The following XRRA1 variants were observed in gnomAD, a reference collection of about 807,000 sequenced individuals.
XRRA1 encodes X-ray radiation resistance-associated protein 1.
A neutral mutation model predicts 80.2 loss-of-function variants in XRRA1; 69 were observed. That is an observed-to-expected ratio of 0.86 (90% CI 0.71 to 1.05). The LOEUF (loss-of-function observed/expected upper bound fraction) is 1.05, where lower values mean the gene tolerates loss of function less well. Among genes scored for constraint, XRRA1 ranks in the 50% least tolerant of loss-of-function variants. The pLI is 0.00. For synonymous variants in XRRA1, 348 were observed against 389.9 expected (o/e 0.89, Z 1.27); for missense variants, 967 against 976.4 (o/e 0.99, Z 0.13).
rs191810888 is a variant in XRRA1 at position 74,900,001 on chromosome 11, T to C, written c.1003+6238A>G. Among the ~76,000 whole-genome samples, 419 of 151,892 alleles carry C rather than the reference T, an allele frequency of 2.8e-3. 2 individuals are homozygous for C. Among genetic ancestry groups the C allele is most frequent in the African/African-American group, 9.7e-3 (401 of 41,412 alleles). On this transcript the variant is annotated intron_variant, in intron 10 of 18. Transcript: ENST00000684022. ...CATCATGGTGAAACCCTGTCTCTACTAAAAATACAAAAAATTAGCCAGGCG... is the reference window on the plus strand; with the variant it reads ...CATCATGGTGAAACCCTGTCTCTACCAAAAATACAAAAAATTAGCCAGGCG...
At chr11:74,880,221 C>A (rs1013041684) in intron 10 of XRRA1, among the ~76,000 whole-genome samples, 5 of 152,200 alleles carry the variant, frequency 3.3e-5, no homozygotes, top group Admixed American at 6.5e-5. Context: ...GGAATTTATC[C>A]ATTTCTTCTA....
intron 10 of XRRA1, among the ~76,000 whole-genome samples, chr11:74,898,425 T>C (rs2052868867): frequency 6.6e-6 from 1 of 151,970 alleles, no homozygotes; most frequent in Admixed American, 6.6e-5. Context: ...ATAGTAACAT[T>C]AAATGTAAAT....
chr11:74,900,605 T>C (rs1264309313), intron 10 of XRRA1, among the ~76,000 whole-genome samples: 1 of 152,046 alleles, frequency 6.6e-6, no homozygotes, highest in Non-Finnish European at 1.5e-5. Context: ...AAATCATTAA[T>C]TATGGCCAAG....
chr11:74,844,431 T>C, intron 16 of XRRA1, 148 bp from the exon 17 acceptor site: 1 of 633,166 alleles, frequency 1.6e-6, no homozygotes, highest in Non-Finnish European at 2.8e-6. Context: ...CCAGGTTTCT[T>C]CCGGATCTGT....
chr11:74,843,469 C>T lies in XRRA1; in HGVS notation c.2150-16G>A. The T allele has an allele frequency of 6.2e-7, 1 of 1,606,448 alleles. No homozygotes were observed. The highest frequency in any genetic ancestry group is 1.1e-5 in the South Asian group (1 of 89,438). The stretch of plus-strand genomic sequence containing the variant: ...AGGACAGCACCTGCAGGAAAAGAAG[C>T]CAGGAGAGGCACCAAGCTCATCCTG... On this transcript the variant is annotated splice_polypyrimidine_tract_variant and intron_variant, in intron 18 of 18. Coordinates refer to ENST00000684022, the MANE Select transcript of XRRA1 (RefSeq NM_001378157.1).
At chr11:74,936,736 A>G in intron 4 of XRRA1, 148 bp downstream of exon 4, 2 of 1,044,072 alleles carry the variant, frequency 1.9e-6, no homozygotes, top group Non-Finnish European at 2.7e-6. Context: ...GGGTCCCTTC[A>G]TTATCCTGGC....
chr11:74,908,674 TA>T (rs2055173678), intron 8 of XRRA1, among the ~76,000 whole-genome samples: 1 of 151,958 alleles, frequency 6.6e-6, no homozygotes, highest in Non-Finnish European at 1.5e-5. Flanking sequence ...CTAGGTGGAG[TA>T]GGTGGACACG....
chr11:74,904,493 C>G (rs182879928), intron 10 of XRRA1, among the ~76,000 whole-genome samples: 1 of 151,146 alleles, frequency 6.6e-6, no homozygotes, highest in East Asian at 1.9e-4. Flanking sequence ...TTAGGGTAAC[C>G]ATTAGAGATA....
chr11:74,873,022 G>T (rs1459426313), intron 10 of XRRA1, among the ~76,000 whole-genome samples: 1 of 152,144 alleles, frequency 6.6e-6, no homozygotes, highest in Admixed American at 6.5e-5. Context: ...ATTTTAGCTT[G>T]CATGGGGGCC....
At chr11:74,924,564 T>G (rs1434506042) in intron 7 of XRRA1, among the ~76,000 whole-genome samples, 2 of 152,058 alleles carry the variant, frequency 1.3e-5, no homozygotes, top group African/African-American at 4.8e-5. Context: ...CTGGGCGTGG[T>G]GGCTCACGCC....
At chr11:74,902,300 C>T (rs981401076) in intron 10 of XRRA1, among the ~76,000 whole-genome samples, 8 of 152,162 alleles carry the variant, frequency 5.3e-5, no homozygotes, top group Admixed American at 1.3e-4. Flanking sequence ...AAAGGGAACC[C>T]TCATACACTG....
chr11:74,856,177 T>C (rs2041056688), intron 12 of XRRA1, among the ~76,000 whole-genome samples: 1 of 152,126 alleles, frequency 6.6e-6, no homozygotes, highest in Non-Finnish European at 1.5e-5. Flanking sequence ...ACAAACTTAT[T>C]GAGCACCTAT....
At chr11:74,852,544 GCT>G (rs1371272824) in intron 12 of XRRA1, among the ~76,000 whole-genome samples, 1 of 152,170 alleles carries the variant, frequency 6.6e-6, no homozygotes, top group Non-Finnish European at 1.5e-5. Context: ...ACTTCTGATG[GCT>G]CTTTCACTGA....
chr11:74,922,584 A>G (rs1347997023), intron 7 of XRRA1, among the ~76,000 whole-genome samples: 1 of 152,148 alleles, frequency 6.6e-6, no homozygotes, highest in Non-Finnish European at 1.5e-5. Flanking sequence ...ATTGAAGTCT[A>G]TTGAATGGGG....
At chr11:74,899,000 T>C (rs1219170309) in intron 10 of XRRA1, among the ~76,000 whole-genome samples, 3 of 152,206 alleles carry the variant, frequency 2.0e-5, no homozygotes, top group East Asian at 3.8e-4. Context: ...ATAGACCATA[T>C]GTTAGGTCAC....
chr11:74,888,276 T>A (rs992629005), intron 10 of XRRA1, among the ~76,000 whole-genome samples: 4 of 152,174 alleles, frequency 2.6e-5, no homozygotes, highest in African/African-American at 9.7e-5. Flanking sequence ...ATATCTGCTG[T>A]TCTGCAGCCT....
At chr11:74,943,914 T>G (rs1449218555) in intron 2 of XRRA1, among the ~76,000 whole-genome samples, 1 of 152,030 alleles carries the variant, frequency 6.6e-6, no homozygotes, top group Admixed American at 6.5e-5. Context: ...CTCAACCTCC[T>G]GGGCTCAAAC....
intron 10 of XRRA1, among the ~76,000 whole-genome samples, chr11:74,893,975 A>T (rs1372985567): frequency 6.6e-6 from 1 of 152,248 alleles, no homozygotes; most frequent in Non-Finnish European, 1.5e-5. Flanking sequence ...TATTCACAAT[A>T]ACAAAGACAT....
chr11:74,897,591 A>C (rs1366381087), intron 10 of XRRA1, among the ~76,000 whole-genome samples: 1 of 152,012 alleles, frequency 6.6e-6, no homozygotes, highest in Non-Finnish European at 1.5e-5. Flanking sequence ...CAAGGATCCT[A>C]AAAGCAGTAA....
Sources: allele counts gnomAD v4.1 joint callset (sites outside exome capture counted in the v4.1 genomes callset), GRCh38; gene constraint gnomAD v4.1.1; transcripts MANE v1.5; gene names NCBI Gene and HGNC (gene_info 2026-07-23, HGNC 2026-07-21).